Variants in HERC3 observed in about 807,000 individuals in gnomAD.
HERC3 encodes the protein HECT and RLD domain containing E3 ubiquitin protein ligase 3.
Under a neutral mutation model 129.9 loss-of-function variants are expected in HERC3, and 58 were observed. That is an observed-to-expected ratio of 0.45 (90% CI 0.36 to 0.56). The LOEUF is 0.56. Among genes scored for constraint, HERC3 ranks in the 20% least tolerant of loss-of-function variants. The pLI is 0.00. For synonymous variants in HERC3, 430 were observed against 451.0 expected (o/e 0.95, Z 0.59); for missense variants, 835 against 1,244.2 (o/e 0.67, Z 4.95).
chr4:88,605,742 C>A, intron 2 of HERC3, 53 bp from the exon 3 acceptor site: 1 of 1,045,144 alleles, frequency 9.6e-7, no homozygotes, highest in Non-Finnish European at 1.4e-6. Flanking sequence ...ACTTGATTTT[C>A]TATGACCTAT....
the HERC3 span, among the ~76,000 whole-genome samples, chr4:88,555,145 G>C: frequency 6.6e-6 from 1 of 152,084 alleles, no homozygotes; most frequent in Admixed American, 6.5e-5. Context: ...TTAGGTGGGC[G>C]TGGTGGTGGT....
At chr4:88,585,871 A>G in the HERC3 span, among the ~76,000 whole-genome samples, 2 of 152,200 alleles carry the variant, frequency 1.3e-5, no homozygotes, top group South Asian at 4.1e-4. Context: ...TTTCACATAT[A>G]TCAGTAATGA....
chr4:88,686,796 C>A lies in HERC3; in HGVS notation c.2568C>A (p.Asn856Lys). ...ATGTGGAGGAGACTTTCTGCCTCAA[C>A]TTCACGGTAAGAATTTCCACAGTTT... ...GEDVEETFCL[N>K]FTICRESYGV... Residue 856 changes from asparagine to lysine, a missense_variant, in exon 22 of 26, where the codon AAC (asparagine) becomes AAA (lysine). By Grantham distance (94) the Asn-to-Lys change is moderately conservative. Transcript: ENST00000402738. 6.2e-7 allele frequency: 1 copy of A among 1,608,566 alleles called. No homozygotes were observed. Among genetic ancestry groups the A allele is most frequent in the South Asian group, 1.1e-5 (1 of 90,914 alleles).
At chr4:88,653,921 G>A (rs1206282115) in intron 6 of HERC3, 121 bp from the exon 7 acceptor site, 2 of 689,336 alleles carry the variant, frequency 2.9e-6, no homozygotes, top group Non-Finnish European at 5.1e-6. Flanking sequence ...AAGTACAGAT[G>A]CAGGCAGGAA....
chr4:88,550,092 G>A, the HERC3 span, among the ~76,000 whole-genome samples: 3 of 152,100 alleles, frequency 2.0e-5, no homozygotes, highest in South Asian at 2.1e-4. Context: ...CATAATACTC[G>A]ACCAATGAGG....
chr4:88,586,082 A>G, the HERC3 span, among the ~76,000 whole-genome samples: 2 of 152,188 alleles, frequency 1.3e-5, no homozygotes, highest in Non-Finnish European at 2.9e-5. Flanking sequence ...CTTTACTGAT[A>G]TAATCAAGGG....
intron 11 of HERC3, among the ~76,000 whole-genome samples, chr4:88,663,887 C>G (rs1171213999): frequency 6.6e-6 from 1 of 152,104 alleles, no homozygotes; most frequent in Non-Finnish European, 1.5e-5. Flanking sequence ...GAAAAATATT[C>G]AAGAACATTA....
At chr4:88,594,001 A>G (rs1722056075) in intron 1 of HERC3, among the ~76,000 whole-genome samples, 1 of 152,248 alleles carries the variant, frequency 6.6e-6, no homozygotes, top group Admixed American at 6.5e-5. Flanking sequence ...CTTCGAGGCT[A>G]GGAACTTTCT....
chr4:88,538,830 A>G, the HERC3 span, among the ~76,000 whole-genome samples: 2 of 152,130 alleles, frequency 1.3e-5, no homozygotes, highest in Non-Finnish European at 2.9e-5. Context: ...GGCGTGAGCC[A>G]CCATGCCCGG....
At chr4:88,640,701 G>A (rs925335311) in intron 3 of HERC3, among the ~76,000 whole-genome samples, 3 of 152,068 alleles carry the variant, frequency 2.0e-5, no homozygotes, top group African/African-American at 7.2e-5. Context: ...AAACCTGCAC[G>A]TTCTGCACAT....
the HERC3 span, among the ~76,000 whole-genome samples, chr4:88,566,730 C>G: frequency 6.6e-6 from 1 of 152,172 alleles, no homozygotes; most frequent in Admixed American, 6.5e-5. Flanking sequence ...ATCTTTATTT[C>G]TCCTTCATGT....
At chr4:88,526,819 C>T in the HERC3 span, among the ~76,000 whole-genome samples, 2 of 152,088 alleles carry the variant, frequency 1.3e-5, no homozygotes, top group African/African-American at 4.8e-5. Flanking sequence ...AGGCATAAGC[C>T]ACTGTGCCCA....
At chr4:88,644,818 C>A (rs1578231313) in intron 3 of HERC3, among the ~76,000 whole-genome samples, 4 of 152,048 alleles carry the variant, frequency 2.6e-5, no homozygotes, top group Admixed American at 2.6e-4. Context: ...GGCTCAGAAA[C>A]AAGATAGAAA....
At chr4:88,618,257 A>G (rs1725138804) in intron 3 of HERC3, among the ~76,000 whole-genome samples, 1 of 152,240 alleles carries the variant, frequency 6.6e-6, no homozygotes, top group Admixed American at 6.5e-5. Context: ...TATGAGTGCC[A>G]GCCTGTGCTT....
At chr4:88,692,995 C>T (rs2149333834) in intron 23 of HERC3, 1 of 977,594 alleles carries the variant, frequency 1.0e-6, no homozygotes. Flanking sequence ...AAAAACATAA[C>T]TAATATACAT....
At chr4:88,631,414 C>T in intron 3 of HERC3, among the ~76,000 whole-genome samples, 1 of 152,164 alleles carries the variant, frequency 6.6e-6, no homozygotes, top group East Asian at 1.9e-4. Context: ...GAGATTGTGC[C>T]ACTGCACTCC....
intron 1 of HERC3, chr4:88,593,206 G>C (rs531286726): frequency 6.6e-6 from 1 of 152,192 alleles, no homozygotes. Flanking sequence ...CCTCTCCCGG[G>C]TCCGCCTCCT....
In HERC3 at chr4:88,662,570, G is replaced by C; in HGVS notation, c.1271+15G>C. ...AATACAATCAAGTATGTGGCTGCTT[G>C]TCTTCATTTTTTTTTCCACAAAGTA... On this transcript the variant is annotated intron_variant, in intron 11 of 25. Coordinates refer to ENST00000402738, the MANE Select transcript of HERC3 (RefSeq NM_014606.3). The C allele has an allele frequency of 1.3e-6, 2 of 1,590,750 alleles. No homozygotes were observed. Among genetic ancestry groups the C allele is most frequent in the Non-Finnish European group, 1.7e-6 (2 of 1,173,512 alleles).
chr4:88,638,491 A>G (rs2915430), intron 3 of HERC3, among the ~76,000 whole-genome samples: 8,191 of 152,310 alleles, frequency 0.054, 584 homozygotes, highest in East Asian at 0.27. Context: ...TGATAAAACC[A>G]TATGATTATC....
Sources: allele counts gnomAD v4.1 joint callset (sites outside exome capture counted in the v4.1 genomes callset), GRCh38; gene constraint gnomAD v4.1.1; transcripts MANE v1.5; gene names NCBI Gene and HGNC (gene_info 2026-07-23, HGNC 2026-07-21).